Variants in LYZL6 observed in about 807,000 individuals in gnomAD.
The protein encoded by LYZL6 is lysozyme-like protein 6.
A neutral mutation model predicts 15.0 loss-of-function variants in LYZL6; 21 were observed. The observed-to-expected ratio is 1.40, with a 90% confidence interval of 1.00 to 2.02. The LOEUF is 2.02. Ranked by LOEUF, LYZL6 falls within the 30% of genes most tolerant of loss-of-function variation. The pLI, the probability that LYZL6 is intolerant of heterozygous loss-of-function variation, is 0.00. For missense variants in LYZL6, 173 were observed against 180.5 expected (o/e 0.96, Z 0.24); for synonymous variants, 72 against 67.8 (o/e 1.06, Z -0.31).
rs746032671 is a variant in LYZL6, at chr17:35,939,401, G to A, written c.-45C>T. ...CAGCTGAGGGCTGATGGTTCTTAGG[G>A]TCTTGCAGACTTTCTGCTGATCTTC... is the stretch of plus-strand genomic sequence containing the variant. On this transcript the variant is annotated 5_prime_UTR_variant, in exon 2 of 5. Transcript: ENST00000615905. The A allele has an allele frequency of 8.8e-6, 14 of 1,589,542 alleles. No individual in the cohort carries two copies. In the African/African-American group the frequency reaches 1.1e-4, roughly 12 times the overall value.
rs1365199992 is a variant in LYZL6, at chr17:35,934,763, T to C, written c.*33A>G. 1 of 1,603,710 alleles carries C rather than the reference T, an allele frequency of 6.2e-7. No individual in the cohort carries two copies. The highest frequency in any genetic ancestry group is 1.7e-5 in the Admixed American group (1 of 59,910). ...AATCCCTGAGTGAGGACAGGAGTCT[T>C]GGAATGACTCCACGGTGCACCCGCA... On this transcript the variant is annotated 3_prime_UTR_variant, in exon 5 of 5. Coordinates refer to ENST00000615905, the MANE Select transcript of LYZL6 (RefSeq NM_020426.4).
chr17:35,943,507 G>A (rs999450032), intron 1 of LYZL6, 60 bp downstream of exon 1: 1 of 152,168 alleles, frequency 6.6e-6, no homozygotes, highest in African/African-American at 2.4e-5. Context: ...CCCCTCTCAG[G>A]GTCCCCTCAA....
At chr17:35,935,951 C>A (rs2089368751) in intron 4 of LYZL6, among the ~76,000 whole-genome samples, 1 of 151,874 alleles carries the variant, frequency 6.6e-6, no homozygotes, top group Non-Finnish European at 1.5e-5. Context: ...GTAGCTGGGA[C>A]TACAGGCAGG....
At chr17:35,936,953 C>G in intron 3 of LYZL6, 120 bp from the exon 4 acceptor site, 1 of 829,856 alleles carries the variant, frequency 1.2e-6, no homozygotes, top group Non-Finnish European at 2.0e-6. Flanking sequence ...GAGGCAAAGG[C>G]TGTCTCCCAG....
At chr17:35,939,118 TGAAC>T in intron 2 of LYZL6, 96 bp downstream of exon 2, 1 of 1,429,726 alleles carries the variant, frequency 7.0e-7, no homozygotes, top group Admixed American at 2.1e-5. Context: ...GGCTGCTTTT[TGAAC>T]TTGGCTTTGA....
chr17:35,934,997 T>C, intron 4 of LYZL6, 132 bp from the exon 5 acceptor site: 1 of 700,986 alleles, frequency 1.4e-6, no homozygotes, highest in Non-Finnish European at 2.4e-6. Flanking sequence ...CCCTCTGGTC[T>C]GTCCTCCACT....
intron 2 of LYZL6, among the ~76,000 whole-genome samples, chr17:35,938,920 T>C (rs1234074599): frequency 5.3e-5 from 8 of 152,224 alleles, no homozygotes; most frequent in Non-Finnish European, 1.5e-5. Context: ...ATAGCATTGG[T>C]CACCACCAGG....
intron 3 of LYZL6, among the ~76,000 whole-genome samples, chr17:35,937,379 T>A (rs1031688391): frequency 6.6e-6 from 1 of 152,260 alleles, no homozygotes; most frequent in Admixed American, 6.5e-5. Flanking sequence ...ATGCTGGTTC[T>A]CTTTTTGAGC....
intron 1 of LYZL6, among the ~76,000 whole-genome samples, chr17:35,941,329 T>C (rs2089423152): frequency 6.6e-6 from 1 of 152,248 alleles, no homozygotes; most frequent in Admixed American, 6.5e-5. Context: ...TTGGCCAGTT[T>C]CAAATTGAGT....
In LYZL6 at chr17:35,934,802, C is replaced by G. The variant is rs115644195; in HGVS notation, c.441G>C (p.Leu147=). 286 of 1,614,222 alleles carry G rather than the reference C, an allele frequency of 1.8e-4. 1 individual carries two copies. In the African/African-American group the frequency reaches 3.2e-3, roughly 18 times the overall value. ...PLFYWLTGCR[L]R is the part of the protein sequence containing the mutation. ...GGTGCACCCGCACCCTGTTTCATCTCAGGCGGCATCCTGTCAGCCAGTAGA... is the reference window on the plus strand; with the variant it reads ...GGTGCACCCGCACCCTGTTTCATCTGAGGCGGCATCCTGTCAGCCAGTAGA... The change falls in exon 5 of 5, where the codon CTG becomes CTC. Residue 147 remains leucine (L), a synonymous_variant. Transcript: ENST00000615905.
chr17:35,935,498 C>T (rs1187050684), intron 4 of LYZL6, among the ~76,000 whole-genome samples: 1 of 151,934 alleles, frequency 6.6e-6, no homozygotes, highest in Admixed American at 6.6e-5. Context: ...TCACTGCAAC[C>T]TCTGGCTCCC....
intron 1 of LYZL6, 40 bp downstream of exon 1, chr17:35,943,527 T>C (rs1393796430): frequency 1.3e-5 from 2 of 152,180 alleles, no homozygotes; most frequent in African/African-American, 4.8e-5. Context: ...AGGAAGACAG[T>C]GGCTCCAGAA....
chr17:35,941,828 C>T (rs1026121157), intron 1 of LYZL6, among the ~76,000 whole-genome samples: 1 of 152,114 alleles, frequency 6.6e-6, no homozygotes, highest in African/African-American at 2.4e-5. Flanking sequence ...CATGCTAAAT[C>T]TGAGGTGGTG....
chr17:35,939,142 A>G, intron 2 of LYZL6, 76 bp downstream of exon 2: 1 of 1,513,414 alleles, frequency 6.6e-7, no homozygotes, highest in Middle Eastern at 1.8e-4. Flanking sequence ...AAAGATGAAC[A>G]GGAGAGAAAG....
At chr17:35,940,314 C>T (rs2089415975) in intron 1 of LYZL6, among the ~76,000 whole-genome samples, 1 of 152,042 alleles carries the variant, frequency 6.6e-6, no homozygotes, top group African/African-American at 2.4e-5. Context: ...CAAAAGGGAA[C>T]CAGGACTCTA....
Position 35,940,395 on chromosome 17 carries a change from G to A in LYZL6, c.-202-837C>T, listed in dbSNP as rs939783570. 6.6e-5 allele frequency among the ~76,000 whole-genome samples: 10 copies of A among 152,226 alleles called. No individual in the cohort carries two copies. The South Asian group carries it at 1.0e-3, about 16-fold the overall frequency. Reference sequence around the variant, plus strand: ...ATGTCTGGATTATCTTGCTGTACAAGAAATTTAAAAAGTGCTCGAAATATG... The same window carrying A: ...ATGTCTGGATTATCTTGCTGTACAAAAAATTTAAAAAGTGCTCGAAATATG... On this transcript the variant is annotated intron_variant, in intron 1 of 4. Coordinates refer to ENST00000615905, the MANE Select transcript of LYZL6 (RefSeq NM_020426.4).
At chr17:35,941,316 C>T (rs913168193) in intron 1 of LYZL6, among the ~76,000 whole-genome samples, 7 of 152,102 alleles carry the variant, frequency 4.6e-5, no homozygotes, top group Admixed American at 2.0e-4. Context: ...CTATTCAGAA[C>T]CTTTGGCCAG....
At chr17:35,940,706 T>C (rs2089419045) in intron 1 of LYZL6, among the ~76,000 whole-genome samples, 1 of 152,164 alleles carries the variant, frequency 6.6e-6, no homozygotes, top group African/African-American at 2.4e-5. Flanking sequence ...ACCACTAATC[T>C]ACTTTCTGTC....
intron 2 of LYZL6, 70 bp downstream of exon 2, chr17:35,939,148 G>A (rs1364299655): frequency 3.3e-6 from 5 of 1,535,160 alleles, no homozygotes; most frequent in Non-Finnish European, 4.4e-6. Flanking sequence ...GAACAGGAGA[G>A]AAAGAAGCTG....
Sources: allele counts gnomAD v4.1 joint callset (sites outside exome capture counted in the v4.1 genomes callset), GRCh38; gene constraint gnomAD v4.1.1; transcripts MANE v1.5; gene names NCBI Gene and HGNC (gene_info 2026-07-23, HGNC 2026-07-21).